HP1BP3: variants seen among roughly 807,000 people sequenced by gnomAD.
HP1BP3 encodes the protein heterochromatin protein 1 binding protein 3, also known as heterochromatin protein 1-binding protein 3.
In HP1BP3, 12 loss-of-function variants were observed where a neutral mutation model predicts 62.5. That is an observed-to-expected ratio of 0.19 (90% confidence interval 0.12 to 0.31). The LOEUF is 0.31. HP1BP3 is among the 10% of genes least tolerant of loss of function. The probability of loss-of-function intolerance (pLI) is 1.00; values close to 1 mark genes in which losing one functional copy is unlikely to be tolerated. For synonymous variants in HP1BP3, 260 were observed against 237.8 expected (o/e 1.09, Z -0.86); for missense variants, 502 against 651.8 (o/e 0.77, Z 2.50).
rs2055151263 is a variant in HP1BP3 at position 20,743,652 on chromosome 1, C to T, written c.*1145G>A. 6.6e-6 allele frequency: 1 copy of T among 151,872 alleles called. No homozygotes were observed. The allele number at this position is 151,872 out of a possible 1,614,324, so 9.4% of individuals were successfully genotyped here. ...CTCCACACTGGGCGACAGAGCGAGA[C>T]TCTGTCTCAAAAATAATAATAATAA... On this transcript the variant is annotated 3_prime_UTR_variant, in exon 13 of 13. Transcript: ENST00000438032.
intron 1 of HP1BP3, among the ~76,000 whole-genome samples, chr1:20,782,588 A>G (rs932215920): frequency 3.3e-5 from 5 of 151,106 alleles, no homozygotes; most frequent in African/African-American, 1.2e-4. Context: ...GCCTCAAGAA[A>G]AAAAAATAAT....
chr1:20,742,086 A>T lies in HP1BP3; in HGVS notation c.*2711T>A, dbSNP rs558568944. Among the ~76,000 whole-genome samples the T allele has an allele frequency of 7.3e-4, 111 of 152,324 alleles. No homozygotes were observed. Among genetic ancestry groups the T allele is most frequent in the African/African-American group, 2.3e-3 (97 of 41,560 alleles). On this transcript the variant is annotated 3_prime_UTR_variant, in exon 13 of 13. Transcript: ENST00000438032. ...GTTGGAAGAAACTTTAAATGATCTA[A>T]ACTTCTCAGCCTGTGCTTAAGTGCC...
At chr1:20,760,921 C>T (rs946848384) in intron 8 of HP1BP3, among the ~76,000 whole-genome samples, 12 of 152,114 alleles carry the variant, frequency 7.9e-5, no homozygotes, top group African/African-American at 2.9e-4. Context: ...TAAGAACATA[C>T]TGAAAGGGAG....
intron 6 of HP1BP3, among the ~76,000 whole-genome samples, 191 bp from the exon 7 acceptor site, chr1:20,767,855 G>A (rs2056861861): frequency 6.6e-6 from 1 of 151,794 alleles, no homozygotes; most frequent in Non-Finnish European, 1.5e-5. Flanking sequence ...AGCTGATGCT[G>A]AGTAATACTG....
intron 10 of HP1BP3, among the ~76,000 whole-genome samples, chr1:20,749,357 T>C (rs1404242034): frequency 4.1e-5 from 6 of 147,426 alleles, no homozygotes; most frequent in Non-Finnish European, 7.5e-5. Context: ...TTTTCTTTTC[T>C]TTTCTTTTCT....
intron 6 of HP1BP3, among the ~76,000 whole-genome samples, chr1:20,769,468 A>G (rs2056950493): frequency 6.6e-6 from 1 of 152,200 alleles, no homozygotes; most frequent in Admixed American, 6.5e-5. Flanking sequence ...TGAGGTGGGA[A>G]GACGGCTGGA....
chr1:20,781,193 C>T (rs1198013831), intron 1 of HP1BP3, among the ~76,000 whole-genome samples: 1 of 152,066 alleles, frequency 6.6e-6, no homozygotes, highest in Non-Finnish European at 1.5e-5. Context: ...CCCAAGTTTA[C>T]CTGATCACTA....
chr1:20,773,663 T>G, intron 4 of HP1BP3, 53 bp from the exon 5 acceptor site: 1 of 1,280,098 alleles, frequency 7.8e-7, no homozygotes, highest in Non-Finnish European at 1.0e-6. Flanking sequence ...GAAAGACGTA[T>G]AAAGTCAGAA....
rs1437513702 is a variant in HP1BP3 at position 20,744,512 on chromosome 1, C to T, written c.*285G>A. 3.8e-6 allele frequency: 1 copy of T among 261,016 alleles called. No homozygotes were observed. The highest frequency in any genetic ancestry group is 8.6e-5 in the East Asian group (1 of 11,662). 16.2% of individuals were successfully genotyped at this position (261,016 alleles called of 1,614,324 possible). Reference sequence around the variant, plus strand: ...AAGGCAAAGCTGACCATAAAAACAACAGGGGGTTGGGGGAGGCAGAGAAAA... The same window carrying T: ...AAGGCAAAGCTGACCATAAAAACAATAGGGGGTTGGGGGAGGCAGAGAAAA... On this transcript the variant is annotated 3_prime_UTR_variant, in exon 13 of 13. Coordinates refer to ENST00000438032, the MANE Select transcript of HP1BP3 (RefSeq NM_001372052.1).
chr1:20,751,974 G>A (rs1169697642), intron 9 of HP1BP3, among the ~76,000 whole-genome samples: 2 of 152,002 alleles, frequency 1.3e-5, no homozygotes, highest in Admixed American at 6.5e-5. Flanking sequence ...ATAAAACTAA[G>A]ATATGCCAGA....
chr1:20,755,887 A>C (rs1199875813), intron 9 of HP1BP3, among the ~76,000 whole-genome samples: 1 of 152,224 alleles, frequency 6.6e-6, no homozygotes, highest in African/African-American at 2.4e-5. Context: ...AGCCAGACAC[A>C]AAAGATCATA....
At chr1:20,755,453 T>C (rs547068037) in intron 9 of HP1BP3, 338 of 421,210 alleles carry the variant, frequency 8.0e-4, no homozygotes, top group Non-Finnish European at 1.4e-3. Flanking sequence ...TGCACGCCTA[T>C]AATCCCAGCT....
intron 6 of HP1BP3, 34 bp downstream of exon 6, chr1:20,770,896 T>G: frequency 6.6e-7 from 1 of 1,504,502 alleles, no homozygotes; most frequent in Non-Finnish European, 9.0e-7. Flanking sequence ...TAATACACAA[T>G]GAAATGATCT....
intron 8 of HP1BP3, among the ~76,000 whole-genome samples, chr1:20,764,745 C>T (rs908648166): frequency 1.1e-4 from 16 of 150,666 alleles, no homozygotes; most frequent in African/African-American, 3.4e-4. Context: ...GCACGGTAAC[C>T]GGGGCCTGTA....
intron 8 of HP1BP3, among the ~76,000 whole-genome samples, chr1:20,763,741 A>T (rs1346442411): frequency 6.6e-6 from 1 of 152,220 alleles, no homozygotes; most frequent in Non-Finnish European, 1.5e-5. Context: ...TTAAATGGCA[A>T]ATTTTACGTA....
intron 1 of HP1BP3, chr1:20,786,385 G>A (rs1032440763): frequency 3.9e-5 from 6 of 152,426 alleles, no homozygotes; most frequent in African/African-American, 1.4e-4. Flanking sequence ...CCCGCCCGCA[G>A]AAGGCCGCGG....
chr1:20,747,261 T>C (rs1052241470), intron 11 of HP1BP3, among the ~76,000 whole-genome samples: 3 of 152,168 alleles, frequency 2.0e-5, no homozygotes, highest in African/African-American at 7.2e-5. Flanking sequence ...CCACTTTATA[T>C]GTGGACTTTT....
At chr1:20,750,878 C>T (rs189232382) in intron 9 of HP1BP3, among the ~76,000 whole-genome samples, 227 of 139,738 alleles carry the variant, frequency 1.6e-3, no homozygotes, top group African/African-American at 5.9e-3. Context: ...ATTGCAATGA[C>T]GTGGTTTCAG....
intron 12 of HP1BP3, 39 bp downstream of exon 12, chr1:20,745,504 T>G (rs752973525): frequency 3.7e-6 from 6 of 1,606,196 alleles, no homozygotes; most frequent in Non-Finnish European, 4.2e-6. Flanking sequence ...TCTGAGGTAT[T>G]TAGTGTCCTC....
Sources: gnomAD v4.1 joint callset for allele counts (sites outside exome capture counted in the v4.1 genomes callset) on GRCh38, gnomAD v4.1.1 for gene constraint, MANE v1.5 for transcripts, NCBI Gene and HGNC (gene_info 2026-07-23, HGNC 2026-07-21) for gene names.